ETFB: variants seen among roughly 807,000 people sequenced by gnomAD.
The protein encoded by ETFB is electron transfer flavoprotein subunit beta.
Under a neutral mutation model 25.6 loss-of-function variants are expected in ETFB, and 20 were observed. The ratio of observed to expected loss-of-function variants is 0.78; its 90% confidence interval spans 0.55 to 1.14. The LOEUF (loss-of-function observed/expected upper bound fraction) is 1.14, where lower values mean the gene tolerates loss of function less well. Ranked by LOEUF, ETFB falls within the 50% of genes most tolerant of loss-of-function variation. ETFB has a pLI of 0.00. For missense variants in ETFB, 286 were observed against 342.6 expected, an observed-to-expected ratio of 0.83 and a Z score of 1.30; for synonymous variants, 142 against 146.7, an observed-to-expected ratio of 0.97 and a Z score of 0.23.
chr19:51,345,389 T>C lies in ETFB; in HGVS notation c.598-8A>G. On this transcript the variant is annotated splice_polypyrimidine_tract_variant and splice_region_variant and intron_variant, in intron 5 of 5. Transcript: ENST00000309244. Reference sequence around the variant, plus strand: ...CTTCTTCTTCTTGGCTTTCTGCACATGGGAAGCCATTGTTCACAGGGCTGT... The same window carrying C: ...CTTCTTCTTCTTGGCTTTCTGCACACGGGAAGCCATTGTTCACAGGGCTGT... 5 of 1,613,900 alleles carry C rather than the reference T, an allele frequency of 3.1e-6. No individual in the cohort carries two copies. Among genetic ancestry groups the C allele is most frequent in the Non-Finnish European group, 3.4e-6 (4 of 1,179,826 alleles).
At position 51,350,278 on chromosome 19, in the gene ETFB, T is replaced by A. The variant is rs760450894; in HGVS notation, c.438+51A>T. On this transcript the variant is annotated intron_variant, in intron 4 of 5. Coordinates refer to ENST00000309244, the MANE Select transcript of ETFB (RefSeq NM_001985.3). ...AAAGGCCTTGAGGCAGAAATGAAGT[T>A]TGAGGGATGAGGGCCTGGCCCTCAG... is the stretch of plus-strand genomic sequence containing the variant. 2.5e-6 allele frequency: 4 copies of A among 1,581,102 alleles called. No individual in the cohort carries two copies. In the Admixed American group the frequency reaches 7.2e-5, roughly 29 times the overall value.
Position 51,366,337 on chromosome 19 carries a change from C to T in ETFB, c.-11G>A. On this transcript the variant is annotated 5_prime_UTR_variant, in exon 1 of 6. Transcript: ENST00000309244. ...GCGCAGCTCCGCCATCTTCCCGCCG[C>T]AGCCACTTACAGGGTCAGCCCGCAC... 1.2e-6 allele frequency: 2 copies of T among 1,612,402 alleles called. No individual in the cohort carries two copies. Among genetic ancestry groups the T allele is most frequent in the Non-Finnish European group, 1.7e-6 (2 of 1,179,852 alleles).
intron 1 of ETFB, among the ~76,000 whole-genome samples, chr19:51,363,916 A>T (rs4802791): frequency 0.3 from 45,658 of 151,964 alleles, 7,210 homozygotes; most frequent in Middle Eastern, 0.38. Flanking sequence ...ACAAAGGGTA[A>T]GGGAGGGTCC....
At chr19:51,365,435 G>A (rs777538494) in intron 1 of ETFB, 1 of 152,254 alleles carries the variant, frequency 6.6e-6, no homozygotes, top group Non-Finnish European at 1.5e-5. Context: ...CCACCCTGAG[G>A]CCTCCAGGGT....
intron 1 of ETFB, among the ~76,000 whole-genome samples, chr19:51,365,742 C>G (rs575850198): frequency 1.3e-5 from 2 of 152,194 alleles, no homozygotes; most frequent in African/African-American, 4.8e-5. Flanking sequence ...ACTTCTCTCT[C>G]CCTAGCTAGA....
At chr19:51,358,233 T>C (rs1986129758) in intron 1 of ETFB, among the ~76,000 whole-genome samples, 1 of 152,166 alleles carries the variant, frequency 6.6e-6, no homozygotes, top group South Asian at 2.1e-4. Context: ...ATGCTCTTGC[T>C]ATTTCCCTGC....
At chr19:51,357,646 C>T (rs944061911) in intron 1 of ETFB, among the ~76,000 whole-genome samples, 28 of 151,392 alleles carry the variant, frequency 1.8e-4, no homozygotes, top group Non-Finnish European at 2.5e-4. Flanking sequence ...CCCACCACCA[C>T]GCCCAGCTAA....
At chr19:51,364,485 C>T (rs1443911088) in intron 1 of ETFB, among the ~76,000 whole-genome samples, 1 of 152,158 alleles carries the variant, frequency 6.6e-6, no homozygotes, top group Admixed American at 6.5e-5. Flanking sequence ...ATGTGCCAGG[C>T]TCTGTGCTGA....
chr19:51,354,845 G>A (rs1002088381), intron 1 of ETFB: 4 of 564,002 alleles, frequency 7.1e-6, no homozygotes, highest in Non-Finnish European at 1.3e-5. Context: ...TGTTCTTTGC[G>A]TGACTGACAG....
rs2123621082 is a variant in ETFB at position 51,366,316 on chromosome 19, A to G, written c.11T>C (p.Leu4Pro). 6.2e-7 allele frequency: 1 copy of G among 1,612,624 alleles called. No individual in the cohort carries two copies. Among genetic ancestry groups the G allele is most frequent in the East Asian group, 2.2e-5 (1 of 44,854 alleles). The change falls in exon 1 of 6, where the codon CTG becomes CCG. Residue 4 changes from leucine to proline, a missense_variant. Coordinates refer to ENST00000309244, the MANE Select transcript of ETFB (RefSeq NM_001985.3). MAE[L>P]RVLVAVKRVI... Reference sequence around the variant, plus strand: ...CCTCTTGACAGCTACGAGCACGCGCAGCTCCGCCATCTTCCCGCCGCAGCC... The same window carrying G: ...CCTCTTGACAGCTACGAGCACGCGCGGCTCCGCCATCTTCCCGCCGCAGCC...
Position 51,346,920 on chromosome 19 carries a change from C to T in ETFB, c.577G>A (p.Ala193Thr), listed in dbSNP as rs200186078. The change falls in exon 5 of 6, where the codon GCC becomes ACC. Residue 193 changes from alanine to threonine, a missense_variant. By Grantham distance (58) the Ala-to-Thr change is moderately conservative (BLOSUM62 0). Coordinates refer to ENST00000309244, the MANE Select transcript of ETFB (RefSeq NM_001985.3). Reference sequence around the variant, plus strand: ...CTCACCATGATGTTGGGCAGCGTGGCGTAGCGGGGCTCGTTGAGCCTCAGG... The same window carrying T: ...CTCACCATGATGTTGGGCAGCGTGGTGTAGCGGGGCTCGTTGAGCCTCAGG... ...ADLRLNEPRY[A>T]TLPNIMKAKK... 161 of 1,560,538 alleles carry T rather than the reference C, an allele frequency of 1.0e-4. No homozygotes were observed. The highest frequency in any genetic ancestry group is 3.4e-4 in the East Asian group (14 of 41,602).
chr19:51,354,823 A>G, intron 1 of ETFB: 2 of 642,332 alleles, frequency 3.1e-6, no homozygotes, highest in East Asian at 2.8e-5. Flanking sequence ...GCTGCCCAGC[A>G]CAGAAGCCTT....
rs1439090803 is a variant in ETFB at position 51,345,365 on chromosome 19, T to A, written c.614A>T (p.Lys205Met). 22 of 1,613,246 alleles carry A rather than the reference T, an allele frequency of 1.4e-5. No homozygotes were observed. Among genetic ancestry groups the A allele is most frequent in the Non-Finnish European group, 1.9e-5 (22 of 1,179,424 alleles). The stretch of plus-strand genomic sequence containing the variant: ...GTCCCCAGGCTTGATCACCTCGATC[T>A]TCTTCTTCTTGGCTTTCTGCACATG... ...LPNIMKAKKKKIEVIKPGDLG... is the reference protein window; with the variant it reads ...LPNIMKAKKKMIEVIKPGDLG... The change falls in exon 6 of 6, where the codon AAG becomes ATG. Residue 205 changes from lysine to methionine, a missense_variant. Coordinates refer to ENST00000309244, the MANE Select transcript of ETFB (RefSeq NM_001985.3).
At chr19:51,350,205 G>T in intron 4 of ETFB, 124 bp downstream of exon 4, 1 of 1,076,124 alleles carries the variant, frequency 9.3e-7, no homozygotes. Context: ...AGAAAGCCAT[G>T]AGGCAATCCG....
rs377530036 is a variant in ETFB, at chr19:51,345,169, T to C, written c.*42A>G. On this transcript the variant is annotated 3_prime_UTR_variant, in exon 6 of 6. Transcript: ENST00000309244. ...TCTCTAGGAAATAAGTTAACAGAGA[T>C]AGATGTTGAGAGTCAGTTTTATTGC... 2.5e-6 allele frequency: 4 copies of C among 1,596,650 alleles called. No individual in the cohort carries two copies. Among genetic ancestry groups the C allele is most frequent in the South Asian group, 1.1e-5 (1 of 90,734 alleles).
intron 1 of ETFB, among the ~76,000 whole-genome samples, chr19:51,364,025 G>A (rs11882573): frequency 0.01 from 1,549 of 152,296 alleles, 27 homozygotes; most frequent in African/African-American, 0.035. Context: ...TGTCCTGAGG[G>A]TGCTGGGGAG....
At chr19:51,358,850 A>AACC (rs149366145) in intron 1 of ETFB, among the ~76,000 whole-genome samples, 2 of 147,368 alleles carry the variant, frequency 1.4e-5, no homozygotes, top group African/African-American at 5.0e-5. Flanking sequence ...AAAAAAAAAA[A>AACC]CAGCCAGGTA....
chr19:51,347,076 A>G lies in ETFB; in HGVS notation c.439-18T>C, dbSNP rs752095831. ...AATGTGCCCTGGGGAGGGACAGTGT[A>G]GGAGGAGAGTGGGTGAGGCTAATTC... On this transcript the variant is annotated intron_variant, in intron 4 of 5. Coordinates refer to ENST00000309244, the MANE Select transcript of ETFB (RefSeq NM_001985.3). 3 of 1,613,730 alleles carry G rather than the reference A, an allele frequency of 1.9e-6. No homozygotes were observed. The Admixed American group carries it at 5.0e-5, about 27-fold the overall frequency.
intron 1 of ETFB, among the ~76,000 whole-genome samples, chr19:51,360,443 A>C (rs544807604): frequency 6.6e-6 from 1 of 152,108 alleles, no homozygotes; most frequent in East Asian, 1.9e-4. Flanking sequence ...TTTTAAAAGC[A>C]GCACTGACCC....
Sources: allele counts gnomAD v4.1 joint callset (sites outside exome capture counted in the v4.1 genomes callset), GRCh38; gene constraint gnomAD v4.1.1; transcripts MANE v1.5; gene names NCBI Gene and HGNC (gene_info 2026-07-23, HGNC 2026-07-21).